The following DHRS2 variants were observed in gnomAD, a reference collection of about 807,000 sequenced individuals.
DHRS2 encodes dehydrogenase/reductase SDR family member 2, mitochondrial.
Under a neutral mutation model 26.3 loss-of-function variants are expected in DHRS2, and 29 were observed. That is an observed-to-expected ratio of 1.10 (90% CI 0.82 to 1.50). The LOEUF is 1.50. DHRS2 is among the 40% of genes most tolerant of loss of function. The pLI is 0.00. For missense variants in DHRS2, 439 were observed against 367.1 expected (o/e 1.20, Z -1.60); for synonymous variants, 164 against 151.3 (o/e 1.08, Z -0.62).
intron 4 of DHRS2, chr14:23,641,899 G>A (rs1890686930): frequency 1.7e-6 from 2 of 1,210,582 alleles, no homozygotes; most frequent in Non-Finnish European, 1.1e-6. Flanking sequence ...GCAGGATGCA[G>A]CTGACCTGAA....
At chr14:23,637,061 T>C (rs1223317082) in intron 1 of DHRS2, among the ~76,000 whole-genome samples, 2 of 152,150 alleles carry the variant, frequency 1.3e-5, no homozygotes, top group East Asian at 3.9e-4. Context: ...CCACAACAAG[T>C]TGGTTGACCC....
intron 1 of DHRS2, chr14:23,638,235 A>AGGAGGAATGAACAACTCCGGACG (rs547196360): frequency 2.6e-5 from 4 of 154,566 alleles, no homozygotes; most frequent in Non-Finnish European, 4.3e-5. Flanking sequence ...CTAACCCACC[A>AGGAGGAATGAACAACTCCGGACG]GGAGGAATGA....
chr14:23,644,455 C>G lies in DHRS2; in HGVS notation c.587C>G (p.Thr196Ser), dbSNP rs1375834725. The change falls in exon 7 of 9, where the codon ACT (threonine) becomes AGT (serine). Residue 196 changes from threonine to serine, a missense_variant. Thr to Ser is a moderately conservative substitution (Grantham distance 58, BLOSUM62 1). Transcript: ENST00000250383. Reference sequence around the variant, plus strand: ...AGCAAGACAGCGCTGCTGGGTCTCACTAGAACACTGGCATTGGAGCTGGCC... The same window carrying G: ...AGCAAGACAGCGCTGCTGGGTCTCAGTAGAACACTGGCATTGGAGCTGGCC... ...NVSKTALLGLTRTLALELAPK... is the reference protein window; with the variant it reads ...NVSKTALLGLSRTLALELAPK... The G allele has an allele frequency of 1.2e-5, 19 of 1,614,114 alleles. No homozygotes were observed. The highest frequency in any genetic ancestry group is 1.5e-5 in the Non-Finnish European group (18 of 1,180,054).
intron 7 of DHRS2, 74 bp downstream of exon 7, chr14:23,644,617 G>A: frequency 6.2e-7 from 1 of 1,607,100 alleles, no homozygotes; most frequent in Non-Finnish European, 8.5e-7. Context: ...AGGGATCAAG[G>A]GGTGACTGAA....
At chr14:23,633,690 G>A (rs999078863), upstream of DHRS2, among the ~76,000 whole-genome samples, 6 of 152,112 alleles carry the variant, frequency 3.9e-5, no homozygotes, top group Non-Finnish European at 8.8e-5. Context: ...TCTGCTTCCT[G>A]GCTAGGATAC....
upstream of DHRS2, among the ~76,000 whole-genome samples, chr14:23,635,708 G>A (rs867875314): frequency 6.6e-6 from 1 of 152,244 alleles, no homozygotes; most frequent in African/African-American, 2.4e-5. Flanking sequence ...TGCACTTGAG[G>A]AGCCCTTCAG....
chr14:23,641,339 A>G, intron 4 of DHRS2: 1 of 226,374 alleles, frequency 4.4e-6, no homozygotes, highest in South Asian at 6.6e-5. Context: ...CTGTTAAACT[A>G]CCAAAACCAC....
At chr14:23,642,230 C>G (rs921123291) in intron 4 of DHRS2, 28 of 901,806 alleles carry the variant, frequency 3.1e-5, no homozygotes, top group Non-Finnish European at 3.6e-5. Flanking sequence ...TAGGCCCTTA[C>G]AGCCTGCATT....
chr14:23,640,743 C>G (rs1466641119), intron 4 of DHRS2: 2 of 152,544 alleles, frequency 1.3e-5, no homozygotes, highest in Non-Finnish European at 2.9e-5. Context: ...TGGCCCCTCC[C>G]TTCTATCTGC....
At position 23,644,426 on chromosome 14, in the gene DHRS2, T is replaced by A; in HGVS notation, c.558T>A (p.Asn186Lys). 5.0e-6 allele frequency: 8 copies of A among 1,614,152 alleles called. No individual in the cohort carries two copies. The highest frequency in any genetic ancestry group is 5.9e-6 in the Non-Finnish European group (7 of 1,180,032). The change falls in exon 7 of 9, where the codon AAT becomes AAA. Residue 186 changes from asparagine to lysine, a missense_variant. By Grantham distance (94) the Asn-to-Lys change is moderately conservative (BLOSUM62 0). Coordinates refer to ENST00000250383, the MANE Select transcript of DHRS2 (RefSeq NM_005794.4). ...CTTCCCAGGCGCTGGGTGTCTACAA[T>A]GTCAGCAAGACAGCGCTGCTGGGTC... The part of the protein sequence containing the change: ...YNPVVALGVY[N>K]VSKTALLGLT...
intron 5 of DHRS2, 62 bp downstream of exon 5, chr14:23,643,281 C>T: frequency 6.8e-7 from 1 of 1,468,192 alleles, no homozygotes; most frequent in South Asian, 1.1e-5. Flanking sequence ...CACAGAAATA[C>T]AGTCGGTAGC....
rs1022677254 is a variant in DHRS2 at position 23,636,547 on chromosome 14, A to G, written c.-264A>G. 16 of 152,156 alleles carry G rather than the reference A, an allele frequency of 1.1e-4. No homozygotes were observed. Among genetic ancestry groups the G allele is most frequent in the African/African-American group, 3.9e-4 (16 of 41,428 alleles). The allele number at this position is 152,156 out of a possible 1,614,324, so 9.4% of individuals were successfully genotyped here. A position where few individuals can be genotyped will look rare whatever the true frequency, so the allele number is the denominator to read the frequency against. The stretch of plus-strand genomic sequence containing the variant: ...CACGAATGCACCGAGAGGAATGAAC[A>G]ACTCTGGACACACCATCTTTAAGAA... On this transcript the variant is annotated 5_prime_UTR_variant, in exon 1 of 9. Transcript: ENST00000250383.
Position 23,639,885 on chromosome 14 carries a change from T to A in DHRS2, c.410T>A (p.Ile137Asn), listed in dbSNP as rs1047948260. Reference sequence around the variant, plus strand: ...AGCACTCTGGGGACCAGTGAGCAGATCTGGGACAAGGTGAGAGGCCTCCCC... The same window carrying A: ...AGCACTCTGGGGACCAGTGAGCAGAACTGGGACAAGGTGAGAGGCCTCCCC... ...VGSTLGTSEQ[I>N]WDKILSVNVK... The change falls in exon 4 of 9, where the codon ATC becomes AAC. Residue 137 changes from isoleucine (I) to asparagine (N), a missense_variant. Coordinates refer to ENST00000250383, the MANE Select transcript of DHRS2 (RefSeq NM_005794.4). 5.0e-6 allele frequency: 8 copies of A among 1,602,652 alleles called. No homozygotes were observed. The African/African-American group carries it at 5.4e-5, about 11-fold the overall frequency.
upstream of DHRS2, among the ~76,000 whole-genome samples, chr14:23,635,993 C>T (rs1177974018): frequency 1.3e-5 from 2 of 151,928 alleles, no homozygotes; most frequent in South Asian, 2.1e-4. Context: ...CTTCTGGGTC[C>T]GGTGGGGACC....
Position 23,639,198 on chromosome 14 carries a change from C to G in DHRS2, c.160C>G (p.Arg54Gly). ...ATTCAGGATCGGCTTTGCCATCGCC[C>G]GACGTCTGGCCCGGGACGGGGCCCA... is the stretch of plus-strand genomic sequence containing the variant. ...STSGIGFAIA[R>G]RLARDGAHVV... is the part of the protein sequence containing the mutation. The change falls in exon 3 of 9, where the codon CGA (arginine) becomes GGA (glycine). Residue 54 changes from arginine (R) to glycine (G), a missense_variant. Transcript: ENST00000250383. 2 of 1,613,694 alleles carry G rather than the reference C, an allele frequency of 1.2e-6. No homozygotes were observed. Among genetic ancestry groups the G allele is most frequent in the Non-Finnish European group, 1.7e-6 (2 of 1,179,922 alleles).
chr14:23,644,330 A>G (rs2138394514), intron 6 of DHRS2, 79 bp from the exon 7 acceptor site: 1 of 1,595,142 alleles, frequency 6.3e-7, no homozygotes, highest in Non-Finnish European at 8.6e-7. Flanking sequence ...GGCCTGTGAG[A>G]TCCCTGTAGG....
chr14:23,641,840 C>T (rs1890685312), intron 4 of DHRS2: 1 of 1,252,862 alleles, frequency 8.0e-7, no homozygotes, highest in Non-Finnish European at 1.0e-6. Context: ...GTGGAAAAAA[C>T]AGTGAACAGT....
chr14:23,634,925 G>GT (rs1325990958), upstream of DHRS2, among the ~76,000 whole-genome samples: 1 of 152,178 alleles, frequency 6.6e-6, no homozygotes, highest in Non-Finnish European at 1.5e-5. Context: ...TGCTCCAGCT[G>GT]TGTAAGTTCT....
At chr14:23,644,917 T>C (rs1566705380) in intron 8 of DHRS2, 35 bp downstream of exon 8, 2 of 1,611,282 alleles carry the variant, frequency 1.2e-6, no homozygotes, top group Non-Finnish European at 1.7e-6. Context: ...GGTCCATGTG[T>C]GGCTAGGCAG....
Sources: gnomAD v4.1 joint callset for allele counts (sites outside exome capture counted in the v4.1 genomes callset) on GRCh38, gnomAD v4.1.1 for gene constraint, MANE v1.5 for transcripts, NCBI Gene and HGNC (gene_info 2026-07-23, HGNC 2026-07-21) for gene names.